Variants in MYO10 observed in about 807,000 individuals in gnomAD.
MYO10 encodes myosin X.
Under a neutral mutation model 257.3 loss-of-function variants are expected in MYO10, and 133 were observed. That is an observed-to-expected ratio of 0.52 (90% confidence interval 0.45 to 0.60). The LOEUF (loss-of-function observed/expected upper bound fraction) is 0.60, where lower values mean the gene tolerates loss of function less well. MYO10 is among the 20% of genes least tolerant of loss of function. The pLI is 0.00. For missense variants in MYO10, 2,399 were observed against 2,635.7 expected (o/e 0.91, Z 1.97); for synonymous variants, 1,104 against 1,028.6 (o/e 1.07, Z -1.40).
chr5:16,800,806 T>G (rs1353093381), intron 3 of MYO10, among the ~76,000 whole-genome samples: 1 of 152,182 alleles, frequency 6.6e-6, no homozygotes, highest in Non-Finnish European at 1.5e-5. Flanking sequence ...AGGGCCACTA[T>G]GTCAGGGGGT....
intron 3 of MYO10, among the ~76,000 whole-genome samples, chr5:16,809,067 C>T (rs974478680): frequency 4.6e-5 from 7 of 151,974 alleles, no homozygotes; most frequent in African/African-American, 4.8e-5. Context: ...GATGTGGAAG[C>T]GGCCACTCCG....
intron 11 of MYO10, 133 bp downstream of exon 11, chr5:16,765,947 A>T: frequency 3.1e-6 from 2 of 653,786 alleles, no homozygotes; most frequent in Non-Finnish European, 5.3e-6. Context: ...TTTATCATGA[A>T]CCAGTCATTT....
intron 1 of MYO10, among the ~76,000 whole-genome samples, chr5:16,893,890 C>T (rs1010545356): frequency 3.0e-4 from 45 of 152,138 alleles, no homozygotes; most frequent in African/African-American, 1.1e-3. Flanking sequence ...CTCTCCCCAG[C>T]AGTGGGTGGG....
intron 19 of MYO10, among the ~76,000 whole-genome samples, chr5:16,712,175 C>T (rs533114215): frequency 4.9e-4 from 74 of 151,922 alleles, no homozygotes; most frequent in African/African-American, 1.6e-3. Flanking sequence ...GACATAGAGG[C>T]GAAAAAGAGT....
At chr5:16,777,209 A>G (rs1741245362) in intron 9 of MYO10, among the ~76,000 whole-genome samples, 1 of 152,206 alleles carries the variant, frequency 6.6e-6, no homozygotes, top group Admixed American at 6.5e-5. Flanking sequence ...GGCAGATGCC[A>G]AAAGGTGCTG....
At chr5:16,889,189 TAAAA>T (rs34138785) in intron 1 of MYO10, among the ~76,000 whole-genome samples, 1 of 59,170 alleles carries the variant, frequency 1.7e-5, no homozygotes, top group African/African-American at 7.2e-5. Context: ...TAAAAAAATT[TAAAA>T]AAAAAAAAAA....
intron 8 of MYO10, 134 bp downstream of exon 8, chr5:16,780,390 G>C (rs1287826795): frequency 1.3e-6 from 1 of 781,982 alleles, no homozygotes; most frequent in African/African-American, 1.8e-5. Context: ...CATCTTTTTG[G>C]TGTTCGCATA....
At chr5:16,877,445 A>C (rs1744633451) in intron 2 of MYO10, among the ~76,000 whole-genome samples, 164 bp downstream of exon 2, 1 of 152,318 alleles carries the variant, frequency 6.6e-6, no homozygotes, top group South Asian at 2.1e-4. Context: ...TCTATTACAC[A>C]CACATGGTTT....
At chr5:16,863,166 G>A (rs559293032) in intron 2 of MYO10, among the ~76,000 whole-genome samples, 3 of 152,304 alleles carry the variant, frequency 2.0e-5, no homozygotes, top group African/African-American at 7.2e-5. Context: ...AGAAGGTCAC[G>A]ACCCAGGGCA....
chr5:16,698,374 A>C (rs986539345), intron 26 of MYO10, among the ~76,000 whole-genome samples: 1 of 152,222 alleles, frequency 6.6e-6, no homozygotes, highest in Admixed American at 6.5e-5. Context: ...TAAATACCTA[A>C]ATAAATAGAT....
chr5:16,773,344 G>T (rs537311156), intron 9 of MYO10, among the ~76,000 whole-genome samples: 185 of 152,238 alleles, frequency 1.2e-3, no homozygotes, highest in Non-Finnish European at 2.2e-3. Flanking sequence ...GACCATATCA[G>T]ATATCAGCAA....
chr5:16,805,456 C>T (rs1233166476), intron 3 of MYO10, among the ~76,000 whole-genome samples: 2 of 78,308 alleles, frequency 2.6e-5, no homozygotes, highest in Non-Finnish European at 4.6e-5. Context: ...GAGACTCCAT[C>T]TCAAAAAAAA....
intron 18 of MYO10, among the ~76,000 whole-genome samples, chr5:16,755,314 C>T (rs939937286): frequency 3.3e-5 from 5 of 152,148 alleles, no homozygotes; most frequent in African/African-American, 4.8e-5. Context: ...TACAGGCGCC[C>T]GCCACCATGC....
Position 16,713,623 on chromosome 5 carries a change from C to T in MYO10, c.1930-2378G>A, listed in dbSNP as rs1738720709. ...ATTGCGATTGTGTCCCTGCCCCTTC[C>T]CAGTAACTTAACCAGGGGAGGGGGA... On this transcript the variant is annotated intron_variant, in intron 19 of 40. Transcript: ENST00000513610. 6 of 523,618 alleles carry T rather than the reference C, an allele frequency of 1.1e-5. No individual in the cohort carries two copies. In the Admixed American group the frequency reaches 3.2e-4, roughly 28 times the overall value. 32.4% of individuals were successfully genotyped at this position (523,618 alleles called of 1,614,324 possible). A position where few individuals can be genotyped will look rare whatever the true frequency, so the allele number is the denominator to read the frequency against.
At chr5:16,671,601 G>T in intron 37 of MYO10, 59 bp from the exon 38 acceptor site, 1 of 1,598,986 alleles carries the variant, frequency 6.3e-7, no homozygotes, top group Non-Finnish European at 8.6e-7. Context: ...TCAGTGACCC[G>T]CAGGGACCTG....
chr5:16,804,992 T>C (rs1359076797), intron 3 of MYO10, among the ~76,000 whole-genome samples: 1 of 152,158 alleles, frequency 6.6e-6, no homozygotes, highest in African/African-American at 2.4e-5. Context: ...CATCTTAAAC[T>C]TACCACCCCA....
intron 28 of MYO10, among the ~76,000 whole-genome samples, chr5:16,688,275 G>A (rs921539103): frequency 2.0e-5 from 3 of 152,116 alleles, no homozygotes; most frequent in African/African-American, 7.2e-5. Context: ...CCCATGGGAA[G>A]AATTATTTTC....
At chr5:16,738,525 G>A (rs1360214631) in intron 19 of MYO10, 1 of 427,374 alleles carries the variant, frequency 2.3e-6, no homozygotes, top group Non-Finnish European at 3.1e-6. Context: ...CTTCTCAGCA[G>A]GTGTATGTGT....
At chr5:16,890,468 A>T (rs551755081) in intron 1 of MYO10, among the ~76,000 whole-genome samples, 1 of 152,018 alleles carries the variant, frequency 6.6e-6, no homozygotes, top group Non-Finnish European at 1.5e-5. Context: ...CAATAGCCTG[A>T]AAGCAGAAAC....
Sources: allele counts gnomAD v4.1 joint callset (sites outside exome capture counted in the v4.1 genomes callset), GRCh38; gene constraint gnomAD v4.1.1; transcripts MANE v1.5; gene names NCBI Gene and HGNC (gene_info 2026-07-23, HGNC 2026-07-21).